GFM2: variants seen among roughly 807,000 people sequenced by gnomAD.
GFM2 encodes GTP dependent ribosome recycling factor mitochondrial 2.
Under a neutral mutation model 95.4 loss-of-function variants are expected in GFM2, and 72 were observed. The observed-to-expected ratio is 0.76, with a 90% CI of 0.62 to 0.92. GFM2 has a LOEUF of 0.92. GFM2 is among the 40% of genes least tolerant of loss of function. The probability of loss-of-function intolerance (pLI) is 0.00; values close to 1 mark genes in which losing one functional copy is unlikely to be tolerated. For synonymous variants in GFM2, 276 were observed against 317.5 expected (o/e 0.87, Z 1.39); for missense variants, 825 against 924.1 (o/e 0.89, Z 1.39).
chr5:74,764,163 G>C (rs1010213490), intron 1 of GFM2, among the ~76,000 whole-genome samples: 3 of 152,156 alleles, frequency 2.0e-5, no homozygotes, highest in Non-Finnish European at 4.4e-5. Flanking sequence ...AAAATTTATT[G>C]ATTCATTTGT....
rs748918252 is a variant in GFM2 at position 74,765,136 on chromosome 5, T to C, written c.-24-1370A>G. 3.3e-6 allele frequency: 4 copies of C among 1,216,830 alleles called. No individual in the cohort carries two copies. The African/African-American group carries it at 6.3e-5, about 19-fold the overall frequency. The allele number at this position is 1,216,830 out of a possible 1,614,324, so 75.4% of individuals were successfully genotyped here. A position where few individuals can be genotyped will look rare whatever the true frequency, so the allele number is the denominator to read the frequency against. On this transcript the variant is annotated intron_variant, in intron 1 of 20. Transcript: ENST00000296805. ...AACGCCAAAGTTCAGGGCCTCATAG[T>C]CTCTCCACAGTTGTGACTGTAATAG...
chr5:74,757,731 TAAAAAAAAAAAA>T (rs35313753), intron 5 of GFM2, among the ~76,000 whole-genome samples: 129 of 89,170 alleles, frequency 1.4e-3, no homozygotes, highest in Admixed American at 2.9e-3. Flanking sequence ...CCTATGTCTC[TAAAAAAAAAAAA>T]AAAAAAAAAA....
At chr5:74,737,028 C>T (rs746801210) in intron 14 of GFM2, 43 bp from the exon 15 acceptor site, 2 of 1,604,132 alleles carry the variant, frequency 1.2e-6, no homozygotes, top group Non-Finnish European at 1.7e-6. Flanking sequence ...TGGCATTTAG[C>T]AAGCGCTCAT....
At position 74,732,295 on chromosome 5, in the gene GFM2, A is replaced by G. The variant is rs560168595; in HGVS notation, c.1587+727T>C. Among the ~76,000 whole-genome samples, 6 of 152,106 alleles carry G rather than the reference A, an allele frequency of 3.9e-5. No homozygotes were observed. In the East Asian group the frequency reaches 1.2e-3, roughly 29 times the overall value. Reference sequence around the variant, plus strand: ...AAACATTTCTGTTTTAATTACTGTTATCATACTCTTCAGTATCAATTAAAC... The same window carrying G: ...AAACATTTCTGTTTTAATTACTGTTGTCATACTCTTCAGTATCAATTAAAC... On this transcript the variant is annotated intron_variant, in intron 16 of 20. Coordinates refer to ENST00000296805, the MANE Select transcript of GFM2 (RefSeq NM_032380.5).
At position 74,759,422 on chromosome 5, in the gene GFM2, TA is replaced by T; in HGVS notation, c.152del (p.Leu51Ter). 6.6e-7 allele frequency: 1 copy of T among 1,504,574 alleles called. No homozygotes were observed. The highest frequency in any genetic ancestry group is 9.2e-7 in the Non-Finnish European group (1 of 1,088,980). 93.2% of individuals were successfully genotyped at this position (1,504,574 alleles called of 1,614,324 possible). ...LGRNCSSLPG[L>X]IGNDIKSLHS... ...GAAGGGATTTGATATCATTTCCTAT[TA>T]AGCCTAATGAAAAGAAAGTTAAAAT... On this transcript the variant is annotated frameshift_variant, in exon 4 of 21. Transcript: ENST00000296805. LOFTEE classifies it high-confidence loss of function.
intron 8 of GFM2, 101 bp downstream of exon 8, chr5:74,747,591 A>G: frequency 1.5e-6 from 1 of 685,738 alleles, no homozygotes; most frequent in Non-Finnish European, 2.5e-6. Context: ...CCTATAATAC[A>G]ATAGGAAAAA....
chr5:74,753,561 C>T (rs901769519), intron 5 of GFM2, among the ~76,000 whole-genome samples: 4 of 152,130 alleles, frequency 2.6e-5, no homozygotes, highest in African/African-American at 9.7e-5. Flanking sequence ...TGTACCACTG[C>T]ACCTTAGCCT....
intron 4 of GFM2, 144 bp downstream of exon 4, chr5:74,759,225 G>C (rs140535795): frequency 1.6e-6 from 1 of 641,422 alleles, no homozygotes; most frequent in African/African-American, 2.1e-5. Context: ...AGAAAAAATA[G>C]CTAAGATACA....
intron 2 of GFM2, among the ~76,000 whole-genome samples, chr5:74,763,170 T>A (rs1336168501): frequency 1.3e-5 from 2 of 152,224 alleles, no homozygotes; most frequent in African/African-American, 2.4e-5. Context: ...AGCTAAAGAC[T>A]AAAACAATGT....
chr5:74,721,257 G>T lies in GFM2; in HGVS notation c.*398C>A, dbSNP rs201485365. On this transcript the variant is annotated 3_prime_UTR_variant, in exon 21 of 21. Transcript: ENST00000296805. ...ATCATGTAAAATAAGATATTAGACT[G>T]TTTTTTGAATAAAATATTTTTATTG... 6.9e-6 allele frequency: 6 copies of T among 868,900 alleles called. No homozygotes were observed. The highest frequency in any genetic ancestry group is 4.7e-5 in the Admixed American group (2 of 42,522). 53.8% of individuals were successfully genotyped at this position (868,900 alleles called of 1,614,324 possible). A position where few individuals can be genotyped will look rare whatever the true frequency, so the allele number is the denominator to read the frequency against.
At chr5:74,724,313 A>T (rs532848869) in intron 19 of GFM2, among the ~76,000 whole-genome samples, 6 of 152,084 alleles carry the variant, frequency 3.9e-5, no homozygotes, top group Non-Finnish European at 5.9e-5. Flanking sequence ...TTTCAATATT[A>T]AAACCAATTT....
intron 10 of GFM2, chr5:74,741,927 C>T (rs1289522990): frequency 5.6e-6 from 1 of 178,450 alleles, no homozygotes; most frequent in Non-Finnish European, 1.2e-5. Flanking sequence ...ATAGCACATA[C>T]AATGGATTGG....
At position 74,745,783 on chromosome 5, in the gene GFM2, G is replaced by T; in HGVS notation, c.744C>A (p.Cys248Ter). Residue 248 changes from cysteine (C) to a stop codon, truncating the protein, a stop_gained, in exon 10 of 21, where the codon TGC becomes TGA. Coordinates refer to ENST00000296805, the MANE Select transcript of GFM2 (RefSeq NM_032380.5). LOFTEE classifies it high-confidence loss of function. ...VVMKEKLLWN[C>*]NSNDGKDFER... Reference sequence around the variant, plus strand: ...CAAAGTCTTTTCCATCATTTGAATTGCAATTCCAAAGAAGTTTTTCTTTCA... The same window carrying T: ...CAAAGTCTTTTCCATCATTTGAATTTCAATTCCAAAGAAGTTTTTCTTTCA... The T allele has an allele frequency of 1.2e-6, 2 of 1,613,388 alleles. No individual in the cohort carries two copies. The highest frequency in any genetic ancestry group is 1.7e-6 in the Non-Finnish European group (2 of 1,179,690).
intron 19 of GFM2, among the ~76,000 whole-genome samples, chr5:74,723,772 C>T (rs1750026170): frequency 1.3e-5 from 2 of 152,140 alleles, no homozygotes; most frequent in East Asian, 3.9e-4. Flanking sequence ...ATGTCCCCCA[C>T]CATGCTCACG....
intron 20 of GFM2, 103 bp downstream of exon 20, chr5:74,722,272 AAATC>A (rs1480889309): frequency 2.2e-6 from 2 of 921,052 alleles, no homozygotes; most frequent in Admixed American, 4.6e-5. Flanking sequence ...TGTATTCTCT[AAATC>A]AAAGCCTTAA....
At chr5:74,751,519 T>C in intron 5 of GFM2, 26 bp from the exon 6 acceptor site, 1 of 1,573,918 alleles carries the variant, frequency 6.4e-7, no homozygotes, top group Non-Finnish European at 8.7e-7. Flanking sequence ...ATGATACAGT[T>C]TAGTCTTAAT....
At chr5:74,752,501 AATATCT>A (rs1366316843) in intron 5 of GFM2, among the ~76,000 whole-genome samples, 1 of 152,230 alleles carries the variant, frequency 6.6e-6, no homozygotes, top group Non-Finnish European at 1.5e-5. Flanking sequence ...ACTCTATGTT[AATATCT>A]ATAATTGTAT....
In GFM2 at chr5:74,745,701, C is replaced by CT. The variant is rs1561250849; in HGVS notation, c.825dup (p.Ala276SerfsTer7). 2 of 1,612,790 alleles carry CT rather than the reference C, an allele frequency of 1.2e-6. No individual in the cohort carries two copies. The highest frequency in any genetic ancestry group is 2.2e-5 in the South Asian group (2 of 90,928). On this transcript the variant is annotated frameshift_variant, in exon 10 of 21. Coordinates refer to ENST00000296805, the MANE Select transcript of GFM2 (RefSeq NM_032380.5). LOFTEE classifies it high-confidence loss of function. Reference sequence around the variant, plus strand: ...ACTTGTTCAATTAAGGCATTCCTTGCTTCAGTTGTTTCCTTCAGCAATTCA... The same window carrying CT: ...ACTTGTTCAATTAAGGCATTCCTTGCTTTCAGTTGTTTCCTTCAGCAATTCA...
chr5:74,725,800 GTGAGAAGTAAC>G, intron 18 of GFM2, 45 bp from the exon 19 acceptor site: 2 of 1,492,190 alleles, frequency 1.3e-6, no homozygotes, highest in East Asian at 2.3e-5. Context: ...TAGATGTGAA[GTGAGAAGTAAC>G]TGAGAAGTGC....
Sources: gnomAD v4.1 joint callset for allele counts (sites outside exome capture counted in the v4.1 genomes callset) on GRCh38, gnomAD v4.1.1 for gene constraint, MANE v1.5 for transcripts, NCBI Gene and HGNC (gene_info 2026-07-23, HGNC 2026-07-21) for gene names.